LBR: variants seen among roughly 807,000 people sequenced by gnomAD.
LBR encodes delta(14)-sterol reductase LBR.
In LBR, 28 loss-of-function variants were observed where a neutral mutation model predicts 74.3. That is an observed-to-expected ratio of 0.38 (90% CI 0.28 to 0.52). The LOEUF (loss-of-function observed/expected upper bound fraction) is 0.52, where lower values mean the gene tolerates loss of function less well. Among genes scored for constraint, LBR ranks in the 20% least tolerant of loss-of-function variants. The pLI, the probability that LBR is intolerant of heterozygous loss-of-function variation, is 0.89. For synonymous variants in LBR, 228 were observed against 269.3 expected (o/e 0.85, Z 1.50); for missense variants, 717 against 760.3 (o/e 0.94, Z 0.67).
intron 1 of LBR, chr1:225,427,669 G>C (rs1282087493): frequency 6.6e-6 from 1 of 152,416 alleles, no homozygotes; most frequent in East Asian, 1.9e-4. Context: ...CAACATGGAG[G>C]GAAACGTCCG....
intron 3 of LBR, 130 bp downstream of exon 3, chr1:225,421,947 A>G: frequency 1.1e-6 from 1 of 880,306 alleles, no homozygotes; most frequent in Non-Finnish European, 1.8e-6. Context: ...GTTTTATATG[A>G]AAACTCCCAA....
Position 225,419,404 on chromosome 1 carries a change from T to A in LBR, c.499A>T (p.Ser167Cys), listed in dbSNP as rs565648951. The change falls in exon 5 of 14, where the codon AGC becomes TGC. Residue 167 changes from serine to cysteine, a missense_variant. Transcript: ENST00000272163. ...ACTTCTTCTCTTCTTGGACGAAGGC[T>A]ATACTGTGTTGCTATGTAACTGCTT... ...QESSYIATQY[S>C]LRPRREEVKL... 1.9e-6 allele frequency: 3 copies of A among 1,613,548 alleles called. No homozygotes were observed. Among genetic ancestry groups the A allele is most frequent in the Admixed American group, 3.3e-5 (2 of 60,010 alleles).
At chr1:225,416,341 A>T (rs2096117133) in intron 6 of LBR, among the ~76,000 whole-genome samples, 1 of 152,256 alleles carries the variant, frequency 6.6e-6, no homozygotes, top group African/African-American at 2.4e-5. Flanking sequence ...GAACTGGCTC[A>T]GTAAAAAGTC....
At chr1:225,426,614 TC>T (rs1575234028) in intron 1 of LBR, among the ~76,000 whole-genome samples, 2 of 151,872 alleles carry the variant, frequency 1.3e-5, no homozygotes, top group African/African-American at 4.9e-5. Context: ...ATTACAGGGG[TC>T]TCCAGCCATC....
chr1:225,415,287 T>C lies in LBR; in HGVS notation c.883A>G (p.Arg295Gly). ...AAAAAAAGAAAATCACCATTTAATC[T>C]ATACTTGAGTCTTCTTCCATCAATA... The part of the protein sequence containing the change: ...PLIDGRRLKY[R>G]LNGFYAFILT... The change falls in exon 7 of 14, where the codon AGA becomes GGA. Residue 295 changes from arginine (R) to glycine (G), a missense_variant. Transcript: ENST00000272163. 3 of 1,590,690 alleles carry C rather than the reference T, an allele frequency of 1.9e-6. 1 individual carries two copies. The South Asian group carries it at 3.4e-5, about 18-fold the overall frequency.
At chr1:225,425,973 G>A (rs76019548) in intron 1 of LBR, among the ~76,000 whole-genome samples, 2,799 of 152,232 alleles carry the variant, frequency 0.018, 90 homozygotes, top group African/African-American at 0.064. Context: ...CACATACACA[G>A]TATCTGTGTA....
chr1:225,404,519 T>G lies in LBR; in HGVS notation c.1572A>C (p.Lys524Asn), dbSNP rs760341951. 3.1e-6 allele frequency: 5 copies of G among 1,607,874 alleles called. No individual in the cohort carries two copies. In the Admixed American group the frequency reaches 5.0e-5, roughly 16 times the overall value. ...NPSDPKLAHLKTIHTSTGKNL... is the reference protein window; with the variant it reads ...NPSDPKLAHLNTIHTSTGKNL... ...TTTTTCCCGTTGAAGTATGAATGGTTTTTAAATCTATATAAAAATAAAAGT... is the reference window on the plus strand; with the variant it reads ...TTTTTCCCGTTGAAGTATGAATGGTGTTTAAATCTATATAAAAATAAAAGT... Residue 524 changes from lysine to asparagine, a missense_variant, in exon 13 of 14, where the codon AAA becomes AAC. By Grantham distance (94) the Lys-to-Asn change is moderately conservative (BLOSUM62 0). Coordinates refer to ENST00000272163, the MANE Select transcript of LBR (RefSeq NM_002296.4).
At chr1:225,404,133 A>G (rs1034949841) in intron 13 of LBR, among the ~76,000 whole-genome samples, 12 of 152,150 alleles carry the variant, frequency 7.9e-5, no homozygotes, top group Non-Finnish European at 1.8e-4. Flanking sequence ...AAGCTGAATT[A>G]ATTTCTATAT....
At chr1:225,426,434 G>A (rs925211840) in intron 1 of LBR, among the ~76,000 whole-genome samples, 6 of 152,174 alleles carry the variant, frequency 3.9e-5, no homozygotes, top group Non-Finnish European at 8.8e-5. Context: ...TTTGTTCACT[G>A]CACCCAATGT....
intron 2 of LBR, chr1:225,422,481 G>GCCTTT: frequency 1.7e-6 from 1 of 598,354 alleles, no homozygotes; most frequent in South Asian, 1.9e-5. Flanking sequence ...GACAAATGCA[G>GCCTTT]CCTTTCCATT....
rs555831684 is a variant in LBR, at chr1:225,403,467, T to G, written c.1688-4A>C. 1 of 1,595,278 alleles carries G rather than the reference T, an allele frequency of 6.3e-7. No individual in the cohort carries two copies. Among genetic ancestry groups the G allele is most frequent in the Admixed American group, 1.7e-5 (1 of 59,978 alleles). Reference sequence around the variant, plus strand: ...TAAGGCAGAATGTGGTTAAAACCTGTGGATAATAATAGTACACAGTATTAG... The same window carrying G: ...TAAGGCAGAATGTGGTTAAAACCTGGGGATAATAATAGTACACAGTATTAG... On this transcript the variant is annotated splice_region_variant and splice_polypyrimidine_tract_variant and intron_variant, in intron 13 of 13. Coordinates refer to ENST00000272163, the MANE Select transcript of LBR (RefSeq NM_002296.4).
intron 3 of LBR, 93 bp downstream of exon 3, chr1:225,421,984 A>G: frequency 1.6e-6 from 2 of 1,217,908 alleles, no homozygotes; most frequent in South Asian, 1.2e-5. Context: ...TTGATGTTTC[A>G]GTGACATTTT....
intron 10 of LBR, among the ~76,000 whole-genome samples, chr1:225,409,636 A>G (rs993848261): frequency 2.0e-5 from 3 of 152,256 alleles, no homozygotes; most frequent in African/African-American, 7.2e-5. Context: ...AATTACAAAG[A>G]TAACAGTAAA....
At chr1:225,412,784 G>A (rs2096108942) in intron 7 of LBR, 139 bp from the exon 8 acceptor site, 4 of 756,412 alleles carry the variant, frequency 5.3e-6, no homozygotes, top group Admixed American at 2.8e-5. Context: ...ACACAAATAT[G>A]CAAATAAGCA....
intron 7 of LBR, chr1:225,413,898 C>A (rs1330387288): frequency 2.2e-6 from 1 of 456,542 alleles, no homozygotes; most frequent in East Asian, 6.9e-5. Context: ...TGCTCAGTCT[C>A]TGAATGTACC....
chr1:225,407,813 T>C (rs1161969910), intron 10 of LBR, among the ~76,000 whole-genome samples: 1 of 152,066 alleles, frequency 6.6e-6, no homozygotes, highest in Non-Finnish European at 1.5e-5. Flanking sequence ...GAAAAACAGA[T>C]GTCACATGAA....
At position 225,406,963 on chromosome 1, in the gene LBR, GGAGA is replaced by G. The variant is rs1219370696; in HGVS notation, c.1315-135_1315-132del. On this transcript the variant is annotated intron_variant, in intron 10 of 13. Coordinates refer to ENST00000272163, the MANE Select transcript of LBR (RefSeq NM_002296.4). Reference sequence around the variant, plus strand: ...ACAATCAACATTTTTTTGTTAAAGGGGAGAGAGATCTGGTTCCCCTGGCCTGCTA... The same window carrying G: ...ACAATCAACATTTTTTTGTTAAAGGGGAGATCTGGTTCCCCTGGCCTGCTA... 4.8e-6 allele frequency: 4 copies of G among 834,330 alleles called. No homozygotes were observed. The Admixed American group carries it at 8.6e-5, about 18-fold the overall frequency. 51.7% of individuals were successfully genotyped at this position (834,330 alleles called of 1,614,324 possible). A position where few individuals can be genotyped will look rare whatever the true frequency, so the allele number is the denominator to read the frequency against.
intron 6 of LBR, among the ~76,000 whole-genome samples, chr1:225,415,860 G>A (rs972379965): frequency 3.9e-5 from 6 of 151,930 alleles, no homozygotes; most frequent in Admixed American, 1.3e-4. Flanking sequence ...TATATATATT[G>A]CCCATCCAGT....
At chr1:225,415,639 A>C (rs1322884999) in intron 6 of LBR, among the ~76,000 whole-genome samples, 1 of 152,102 alleles carries the variant, frequency 6.6e-6, no homozygotes, top group East Asian at 1.9e-4. Flanking sequence ...CTCAAGACTA[A>C]ATGTGCTTAA....
Sources: allele counts gnomAD v4.1 joint callset (sites outside exome capture counted in the v4.1 genomes callset), GRCh38; gene constraint gnomAD v4.1.1; transcripts MANE v1.5; gene names NCBI Gene and HGNC (gene_info 2026-07-23, HGNC 2026-07-21).